SGCD: variants seen among roughly 807,000 people sequenced by gnomAD.
SGCD encodes the protein sarcoglycan delta.
SGCD carries 18 observed loss-of-function variants against 36.6 expected under a neutral mutation model. That is an observed-to-expected ratio of 0.49 (90% CI 0.34 to 0.73). The LOEUF (loss-of-function observed/expected upper bound fraction) is 0.73, where lower values mean the gene tolerates loss of function less well. SGCD is among the 30% of genes least tolerant of loss of function. SGCD has a pLI of 0.01. For missense variants in SGCD, 387 were observed against 346.7 expected, an observed-to-expected ratio of 1.12 and a Z score of -0.92; for synonymous variants, 133 against 130.6, an observed-to-expected ratio of 1.02 and a Z score of -0.12.
the SGCD span, among the ~76,000 whole-genome samples, chr5:155,812,325 C>G: frequency 1.3e-5 from 2 of 152,204 alleles, no homozygotes; most frequent in African/African-American, 4.8e-5. Context: ...TGATGTGAAA[C>G]CTCCCTGACT....
At chr5:155,928,690 A>AC (rs1414313322) in intron 1 of SGCD, among the ~76,000 whole-genome samples, 8 of 93,354 alleles carry the variant, frequency 8.6e-5, no homozygotes, top group African/African-American at 2.6e-4. Flanking sequence ...AAAAAAAAAG[A>AC]GGTAAAAAAA....
chr5:155,957,855 C>T (rs938745132), intron 1 of SGCD, among the ~76,000 whole-genome samples: 21 of 152,158 alleles, frequency 1.4e-4, no homozygotes, highest in Admixed American at 7.2e-4. Flanking sequence ...CTTTGGGAGG[C>T]GAATATTCTG....
intron 3 of SGCD, chr5:156,458,292 G>T: frequency 1.4e-6 from 1 of 740,134 alleles, no homozygotes; most frequent in Middle Eastern, 3.8e-4. Flanking sequence ...TAAGAAAATG[G>T]GGTTTTGGAA....
At chr5:156,101,011 T>C (rs1304530388) in intron 1 of SGCD, among the ~76,000 whole-genome samples, 1 of 152,094 alleles carries the variant, frequency 6.6e-6, no homozygotes, top group Non-Finnish European at 1.5e-5. Context: ...CCCTCATGAA[T>C]GGGATTTGTG....
chr5:156,092,315 C>T (rs1387259994), intron 1 of SGCD, among the ~76,000 whole-genome samples: 2 of 152,160 alleles, frequency 1.3e-5, no homozygotes, highest in Non-Finnish European at 2.9e-5. Context: ...AGAAAGGTTA[C>T]TTTTTGTTTG....
intron 3 of SGCD, among the ~76,000 whole-genome samples, chr5:156,486,083 C>T (rs1189466751): frequency 6.6e-6 from 1 of 152,092 alleles, no homozygotes; most frequent in South Asian, 2.1e-4. Flanking sequence ...AGCATGATGC[C>T]ATTTTGAGAT....
intron 3 of SGCD, among the ~76,000 whole-genome samples, chr5:156,459,489 A>T (rs1037981053): frequency 6.6e-6 from 1 of 152,034 alleles, no homozygotes; most frequent in African/African-American, 2.4e-5. Flanking sequence ...GTCTTGGAGG[A>T]ATTGTTTTGT....
Position 156,528,436 on chromosome 5 carries a change from G to T in SGCD, c.294+19734G>T, listed in dbSNP as rs74844963. Among the ~76,000 whole-genome samples the T allele has an allele frequency of 1.7e-3, 260 of 152,196 alleles. 7 individuals carry two copies. In the East Asian group the frequency reaches 0.046, roughly 27 times the overall value. On this transcript the variant is annotated intron_variant, in intron 4 of 8. Transcript: ENST00000337851. Reference sequence around the variant, plus strand: ...CACCGTCTCCTTAGTTTCTAGACTAGTTCCTGTCACATGATAGGAAAACAA... The same window carrying T: ...CACCGTCTCCTTAGTTTCTAGACTATTTCCTGTCACATGATAGGAAAACAA...
intron 3 of SGCD, among the ~76,000 whole-genome samples, chr5:156,437,298 C>T (rs1032822518): frequency 6.6e-6 from 1 of 152,072 alleles, no homozygotes; most frequent in Non-Finnish European, 1.5e-5. Context: ...ATTCTGTCAT[C>T]TTCCCATTAT....
At chr5:156,580,237 T>G (rs77141604) in intron 4 of SGCD, among the ~76,000 whole-genome samples, 2,003 of 152,344 alleles carry the variant, frequency 0.013, 43 homozygotes, top group East Asian at 0.049. Context: ...TGCTGAATAT[T>G]GTCCCCCACT....
chr5:156,510,273 T>A (rs901063164), intron 4 of SGCD, among the ~76,000 whole-genome samples: 1 of 152,216 alleles, frequency 6.6e-6, no homozygotes, highest in African/African-American at 2.4e-5. Context: ...ACATATTTAC[T>A]GTCATTGAGA....
chr5:156,438,366 T>C (rs1753334688), intron 3 of SGCD, among the ~76,000 whole-genome samples: 1 of 152,116 alleles, frequency 6.6e-6, no homozygotes, highest in Non-Finnish European at 1.5e-5. Context: ...TTTGGCTCCG[T>C]TTTCTGTGTG....
At chr5:156,473,019 G>A (rs555928163) in intron 3 of SGCD, among the ~76,000 whole-genome samples, 59 of 152,196 alleles carry the variant, frequency 3.9e-4, no homozygotes, top group African/African-American at 1.4e-3. Context: ...AAAATAGCTG[G>A]TAGAATTCAA....
At chr5:156,018,075 G>T (rs919217496) in intron 1 of SGCD, among the ~76,000 whole-genome samples, 113 of 152,230 alleles carry the variant, frequency 7.4e-4, no homozygotes, top group Middle Eastern at 3.4e-3. Context: ...TGGGAGGATT[G>T]CTTGAGCCTA....
At chr5:156,406,380 A>G (rs1772409054) in intron 3 of SGCD, among the ~76,000 whole-genome samples, 1 of 151,694 alleles carries the variant, frequency 6.6e-6, no homozygotes, top group Non-Finnish European at 1.5e-5. Context: ...ATCCTTGTGC[A>G]CTCTGTGATA....
At chr5:155,969,405 CT>C (rs2127559116) in intron 1 of SGCD, among the ~76,000 whole-genome samples, 1 of 152,196 alleles carries the variant, frequency 6.6e-6, no homozygotes, top group African/African-American at 2.4e-5. Context: ...AACATGTACA[CT>C]TTAAGATGTG....
intron 3 of SGCD, among the ~76,000 whole-genome samples, chr5:156,434,587 A>G (rs1022094835): frequency 1.3e-5 from 2 of 152,218 alleles, no homozygotes; most frequent in African/African-American, 2.4e-5. Context: ...ATGAAGCCGT[A>G]TGATTAAAAC....
At chr5:156,634,176 A>T (rs1251261991) in intron 6 of SGCD, among the ~76,000 whole-genome samples, 2 of 152,106 alleles carry the variant, frequency 1.3e-5, no homozygotes, top group Non-Finnish European at 2.9e-5. Context: ...AGATGGCAGG[A>T]ATAGCTATTG....
chr5:156,743,214 C>T (rs1374041922), intron 7 of SGCD, among the ~76,000 whole-genome samples: 3 of 150,890 alleles, frequency 2.0e-5, no homozygotes, highest in East Asian at 2.0e-4. Context: ...TGGGTTCAAG[C>T]GATTCTCCTG....
Sources: allele counts gnomAD v4.1 joint callset (sites outside exome capture counted in the v4.1 genomes callset), GRCh38; gene constraint gnomAD v4.1.1; transcripts MANE v1.5; gene names NCBI Gene and HGNC (gene_info 2026-07-23, HGNC 2026-07-21).